The following SLC22A25 variants were observed in gnomAD, a reference collection of about 807,000 sequenced individuals.
SLC22A25 encodes the protein MGI:2442751, MGI:2385316, MGI:3042283, MGI:3645714, MGI:3605624, MGI:2442750.
In SLC22A25, 44 loss-of-function variants were observed where a neutral mutation model predicts 45.9. That is an observed-to-expected ratio of 0.96 (90% confidence interval 0.75 to 1.23). SLC22A25 has a LOEUF of 1.23. Ranked by LOEUF, SLC22A25 falls within the 50% of genes most tolerant of loss-of-function variation. The pLI is 0.00. For missense variants in SLC22A25, 800 were observed against 666.4 expected (o/e 1.20, Z -2.21); for synonymous variants, 283 against 238.6 (o/e 1.19, Z -1.72).
chr11:63,165,377 G>A (rs1257995490), intron 10 of SLC22A25, among the ~76,000 whole-genome samples: 7 of 152,284 alleles, frequency 4.6e-5, no homozygotes, highest in South Asian at 2.1e-4. Context: ...TACTAGACCG[G>A]GAGTGAGGTG....
At chr11:63,211,547 A>C (rs1029536939) in intron 7 of SLC22A25, among the ~76,000 whole-genome samples, 1 of 152,152 alleles carries the variant, frequency 6.6e-6, no homozygotes, top group Non-Finnish European at 1.5e-5. Context: ...ATATGCCTGG[A>C]CAAGGCTGCC....
chr11:63,174,004 A>G (rs1266040766), intron 9 of SLC22A25, among the ~76,000 whole-genome samples: 2 of 150,690 alleles, frequency 1.3e-5, no homozygotes, highest in African/African-American at 4.9e-5. Context: ...TGCACCCATC[A>G]ACTCATCACC....
chr11:63,234,736 T>C (rs138247523), intron 3 of SLC22A25, among the ~76,000 whole-genome samples: 2 of 152,218 alleles, frequency 1.3e-5, no homozygotes, highest in Non-Finnish European at 2.9e-5. Context: ...CTAGCCTTGA[T>C]GGTCTTTACA....
intron 7 of SLC22A25, among the ~76,000 whole-genome samples, chr11:63,192,385 C>T (rs1043802162): frequency 1.3e-5 from 2 of 152,114 alleles, no homozygotes; most frequent in African/African-American, 4.8e-5. Context: ...TACAAAAACA[C>T]ACTGAAGTAC....
chr11:63,168,626 T>C (rs2087767374), intron 9 of SLC22A25, among the ~76,000 whole-genome samples: 1 of 151,866 alleles, frequency 6.6e-6, no homozygotes. Flanking sequence ...GAAAAAAGAA[T>C]AAAAGGAACA....
rs2087524129 is a variant in SLC22A25, at chr11:63,160,441, T to G, written c.*3383A>C. 6.6e-6 allele frequency among the ~76,000 whole-genome samples: 1 copy of G among 152,196 alleles called. No individual in the cohort carries two copies. The highest frequency in any genetic ancestry group is 2.4e-5 in the African/African-American group (1 of 41,456). On this transcript the variant is annotated 3_prime_UTR_variant, in exon 12 of 12. Coordinates refer to ENST00000306494, the MANE Select transcript of SLC22A25 (RefSeq NM_199352.6). ...CTACAGGTGCAAAGAAGTCAAGAAT[T>G]GAGGTTTGGGAACCTCCACCTAGAT...
At chr11:63,195,800 TAATG>T (rs1194560576) in intron 7 of SLC22A25, among the ~76,000 whole-genome samples, 4 of 146,470 alleles carry the variant, frequency 2.7e-5, no homozygotes, top group African/African-American at 1.1e-4. Flanking sequence ...TCTAAAAAAT[TAATG>T]AATCCAGGAG....
chr11:63,203,093 A>T (rs2089297063), intron 7 of SLC22A25, among the ~76,000 whole-genome samples: 1 of 152,276 alleles, frequency 6.6e-6, no homozygotes, highest in South Asian at 2.1e-4. Flanking sequence ...AAACTAACAA[A>T]CAGAAAGGAA....
At chr11:63,220,081 A>T in intron 5 of SLC22A25, 30 of 1,069,618 alleles carry the variant, frequency 2.8e-5, no homozygotes, top group Non-Finnish European at 3.6e-5. Context: ...CATGTCACAG[A>T]CTGTGACAAT....
chr11:63,182,385 T>C (rs1328265078), intron 8 of SLC22A25, among the ~76,000 whole-genome samples: 1 of 152,070 alleles, frequency 6.6e-6, no homozygotes, highest in African/African-American at 2.4e-5. Context: ...TATTTTCTTA[T>C]TGGGCCAACC....
intron 9 of SLC22A25, among the ~76,000 whole-genome samples, chr11:63,175,163 G>A (rs2088040514): frequency 6.6e-6 from 1 of 152,124 alleles, no homozygotes; most frequent in Non-Finnish European, 1.5e-5. Context: ...TAGGATTGGT[G>A]AATCATATGG....
At chr11:63,165,347 T>A (rs1345244925) in intron 10 of SLC22A25, among the ~76,000 whole-genome samples, 1 of 152,214 alleles carries the variant, frequency 6.6e-6, no homozygotes. Flanking sequence ...CACACCAACC[T>A]GGTATTCTCT....
chr11:63,177,860 A>AATGTG (rs1228026323), intron 9 of SLC22A25, among the ~76,000 whole-genome samples: 14 of 2,872 alleles, frequency 4.9e-3, no homozygotes, highest in Non-Finnish European at 3.0e-3. Flanking sequence ...TAATGTATAT[A>AATGTG]TATAATATAT....
At chr11:63,172,372 G>C (rs1297592740) in intron 9 of SLC22A25, among the ~76,000 whole-genome samples, 1 of 152,084 alleles carries the variant, frequency 6.6e-6, no homozygotes, top group African/African-American at 2.4e-5. Flanking sequence ...TACAGAATGG[G>C]ATAAATTTTT....
At chr11:63,164,246 G>C (rs1401902378) in intron 11 of SLC22A25, among the ~76,000 whole-genome samples, 173 bp from the exon 12 acceptor site, 1 of 152,158 alleles carries the variant, frequency 6.6e-6, no homozygotes, top group Non-Finnish European at 1.5e-5. Context: ...ATTCACAAGT[G>C]AATTAGACAC....
intron 3 of SLC22A25, among the ~76,000 whole-genome samples, chr11:63,233,773 A>G (rs1376376088): frequency 6.6e-6 from 1 of 152,202 alleles, no homozygotes; most frequent in African/African-American, 2.4e-5. Flanking sequence ...GTAGGCATTT[A>G]GTGCTATAAA....
intron 7 of SLC22A25, among the ~76,000 whole-genome samples, chr11:63,191,369 G>T (rs538870853): frequency 6.6e-6 from 1 of 152,218 alleles, no homozygotes; most frequent in Non-Finnish European, 1.5e-5. Flanking sequence ...TAATCTCCTG[G>T]TATGCCGTTT....
At chr11:63,195,649 G>T (rs57463774) in intron 7 of SLC22A25, among the ~76,000 whole-genome samples, 4,017 of 152,176 alleles carry the variant, frequency 0.026, 181 homozygotes, top group African/African-American at 0.092. Context: ...ACAAGAGAAA[G>T]CAGGAAAGAT....
intron 7 of SLC22A25, among the ~76,000 whole-genome samples, chr11:63,184,920 TG>T (rs549732725): frequency 7.8e-4 from 118 of 152,256 alleles, no homozygotes; most frequent in African/African-American, 2.7e-3. Context: ...GCAGTAGTGA[TG>T]GCTGACATGA....
Sources: allele counts gnomAD v4.1 joint callset (sites outside exome capture counted in the v4.1 genomes callset), GRCh38; gene constraint gnomAD v4.1.1; transcripts MANE v1.5; gene names NCBI Gene and HGNC (gene_info 2026-07-23, HGNC 2026-07-21).